Variants in CELF5 observed in about 807,000 individuals in gnomAD.
CELF5 encodes CUGBP Elav-like family member 5, also known as CUG-BP and ETR-3 like factor 5.
A neutral mutation model predicts 54.9 loss-of-function variants in CELF5; 6 were observed. That is an observed-to-expected ratio of 0.11 (90% CI 0.06 to 0.22). The LOEUF is 0.22. CELF5 is among the 10% of genes least tolerant of loss of function. The probability of loss-of-function intolerance (pLI) is 1.00; values close to 1 mark genes in which losing one functional copy is unlikely to be tolerated. For missense variants in CELF5, 401 were observed against 678.6 expected, an observed-to-expected ratio of 0.59 and a Z score of 4.54; for synonymous variants, 271 against 290.9, an observed-to-expected ratio of 0.93 and a Z score of 0.70.
intron 2 of CELF5, among the ~76,000 whole-genome samples, chr19:3,267,405 T>C (rs933462173): frequency 2.6e-5 from 4 of 152,186 alleles, no homozygotes; most frequent in Non-Finnish European, 4.4e-5. Context: ...CCAGAATAGA[T>C]CCTGGAATGG....
rs759315491 is a variant in CELF5, at chr19:3,250,962, A to G, written c.260-23A>G. On this transcript the variant is annotated intron_variant, in intron 1 of 12. Transcript: ENST00000292672. Reference sequence around the variant, plus strand: ...ATGGGTGTGCCCGTGCTCTCTTAACACCCCCGTTTCTCTCCCTTCCAGGCT... The same window carrying G: ...ATGGGTGTGCCCGTGCTCTCTTAACGCCCCCGTTTCTCTCCCTTCCAGGCT... 3 of 1,597,458 alleles carry G rather than the reference A, an allele frequency of 1.9e-6. No homozygotes were observed. In the South Asian group the frequency reaches 3.3e-5, roughly 18 times the overall value.
Position 3,281,203 on chromosome 19 carries a change from C to T in CELF5, c.608C>T (p.Ala203Val). 1.9e-6 allele frequency: 3 copies of T among 1,605,004 alleles called. No individual in the cohort carries two copies. The highest frequency in any genetic ancestry group is 2.5e-6 in the Non-Finnish European group (3 of 1,177,944). The change falls in exon 6 of 13, where the codon GCC (alanine) becomes GTC (valine). Residue 203 changes from alanine to valine, a missense_variant. By Grantham distance (64) the Ala-to-Val change is moderately conservative. Around this residue, in one of 6 missense-constraint regions of CELF5, gnomAD observed 87 missense variants for 190.2 expected, o/e 0.46. Coordinates refer to ENST00000292672, the MANE Select transcript of CELF5 (RefSeq NM_021938.4). The surrounding 1 kb of genome is among the most constrained non-coding windows in gnomAD (Gnocchi z 6.5). ...TGCTCGCCGCTGCCCCTGCAGGGAG[C>T]CTCCTCCAGCCTGGTGGTCAAGTTC... ...ALHGSQTMPG[A>V]SSSLVVKFAD...
intron 1 of CELF5, 89 bp from the exon 2 acceptor site, chr19:3,250,896 G>C: frequency 1.2e-6 from 1 of 823,298 alleles, no homozygotes; most frequent in Non-Finnish European, 2.1e-6. Flanking sequence ...AGCTTGGGTT[G>C]CTTCCACCTA....
Position 3,282,367 on chromosome 19 carries a change from C to T in CELF5, c.908C>T (p.Pro303Leu), listed in dbSNP as rs1250486926. The T allele has an allele frequency of 6.2e-6, 10 of 1,610,016 alleles. No homozygotes were observed. The highest frequency in any genetic ancestry group is 1.7e-5 in the Admixed American group (1 of 60,020). The change falls in exon 8 of 13, where the codon CCG becomes CTG. Residue 303 changes from proline (P) to leucine (L), a missense_variant. Pro to Leu is a moderately conservative substitution (Grantham distance 98). Transcript: ENST00000292672. This position sits in a 1 kb window ranked among gnomAD's most constrained non-coding sequence, Gnocchi z 5.2. ...IAPASGLHSP[P>L]LLGTTAVPGL... ...CGCTCTGCAGGGCTGCACTCACCCC[C>T]GCTGCTGGGCACCACCGCTGTGCCT... is the stretch of plus-strand genomic sequence containing the variant.
intron 1 of CELF5, among the ~76,000 whole-genome samples, chr19:3,247,557 C>T (rs926617551): frequency 1.3e-5 from 2 of 151,170 alleles, no homozygotes; most frequent in Admixed American, 6.6e-5. Context: ...CCACTGCGCC[C>T]GGTCTCTCTT....
At chr19:3,292,425 G>A (rs1276938596) in intron 11 of CELF5, among the ~76,000 whole-genome samples, 2 of 150,274 alleles carry the variant, frequency 1.3e-5, no homozygotes, top group Non-Finnish European at 1.5e-5. Flanking sequence ...CTGGGATTAC[G>A]GGTGGACACT....
At chr19:3,296,616 C>G (rs2080458313) in intron 12 of CELF5, 142 bp from the exon 13 acceptor site, 1 of 152,202 alleles carries the variant, frequency 6.6e-6, no homozygotes, top group Non-Finnish European at 1.5e-5. Flanking sequence ...CAATCTGCCT[C>G]GAGGGGGCCT....
chr19:3,293,481 G>A lies in CELF5; in HGVS notation c.*35G>A. On this transcript the variant is annotated 3_prime_UTR_variant, in exon 12 of 13. Transcript: ENST00000292672. ...CAGCCGCCCTGAGGCTGTAGGCATG[G>A]CCCAGGTGAGCCGCCAGGCGGCCCC... 1 of 1,603,590 alleles carries A rather than the reference G, an allele frequency of 6.2e-7. No homozygotes were observed. The highest frequency in any genetic ancestry group is 2.2e-5 in the East Asian group (1 of 44,682).
chr19:3,235,781 GATGGATGA>G (rs1301742520), intron 1 of CELF5, among the ~76,000 whole-genome samples: 2 of 148,030 alleles, frequency 1.4e-5, no homozygotes, highest in South Asian at 4.3e-4. Context: ...TAGATGGATG[GATGGATGA>G]ATGGATGGAT....
At chr19:3,262,414 G>A (rs1025860778) in intron 2 of CELF5, among the ~76,000 whole-genome samples, 2 of 152,044 alleles carry the variant, frequency 1.3e-5, no homozygotes, top group African/African-American at 2.4e-5. Flanking sequence ...CTACAATATC[G>A]GACAGTGCAA....
chr19:3,292,581 G>T (rs2080369800), intron 11 of CELF5, among the ~76,000 whole-genome samples: 1 of 152,204 alleles, frequency 6.6e-6, no homozygotes. Context: ...ACCACGCCTG[G>T]CCATGGGGTG....
chr19:3,277,842 C>G (rs1182130222), intron 4 of CELF5, among the ~76,000 whole-genome samples, 189 bp from the exon 5 acceptor site: 1 of 152,138 alleles, frequency 6.6e-6, no homozygotes, highest in Non-Finnish European at 1.5e-5. Flanking sequence ...CCATTCTGAC[C>G]CTTGATCTGG....
chr19:3,284,827 C>T, intron 8 of CELF5, 75 bp from the exon 9 acceptor site: 3 of 1,294,986 alleles, frequency 2.3e-6, no homozygotes, highest in Non-Finnish European at 3.4e-6. Context: ...GCTGTCCTTG[C>T]GGCTCTTAAG....
At chr19:3,251,089 G>C in intron 2 of CELF5, 22 bp downstream of exon 2, 2 of 1,593,790 alleles carry the variant, frequency 1.3e-6, no homozygotes, top group African/African-American at 1.3e-5. Context: ...GTGGTGTCTG[G>C]GGAGGAGGGG....
At position 3,278,687 on chromosome 19, in the gene CELF5, GTGTGTGTGTGTGTT is replaced by G. The variant is rs956848149; in HGVS notation, c.603+588_603+601del. On this transcript the variant is annotated intron_variant, in intron 5 of 12. Transcript: ENST00000292672. The surrounding 1 kb of genome is among the most constrained non-coding windows in gnomAD (Gnocchi z 4.5). ...TGCATTTGTGGGCAGGTTTGTGTGT[GTGTGTGTGTGTGTT>G]TGTGTGTGTGCATGACTGTGAGTGT... Among the ~76,000 whole-genome samples, 1 of 151,624 alleles carries G rather than the reference GTGTGTGTGTGTGTT, an allele frequency of 6.6e-6. No individual in the cohort carries two copies. Among genetic ancestry groups the G allele is most frequent in the African/African-American group, 2.4e-5 (1 of 41,264 alleles).
intron 2 of CELF5, 62 bp from the exon 3 acceptor site, chr19:3,273,810 A>ACCCCCCCCCCC: frequency 8.4e-7 from 1 of 1,190,150 alleles, no homozygotes; most frequent in Non-Finnish European, 1.2e-6. Context: ...CTCAGGCAAA[A>ACCCCCCCCCCC]CCCCCCGCCT....
In CELF5 at chr19:3,224,700, C is replaced by T. The variant is rs1313199308; in HGVS notation, c.-40C>T. 5.0e-6 allele frequency: 5 copies of T among 1,005,558 alleles called. No homozygotes were observed. In the East Asian group the frequency reaches 4.2e-4, roughly 84 times the overall value. 62.3% of individuals were successfully genotyped at this position (1,005,558 alleles called of 1,614,324 possible). ...CCGCTCCAGCTGCGAGTCCGCCCGC[C>T]GCCCGCCGCCGCCGCCGCCGGCTCG... On this transcript the variant is annotated 5_prime_UTR_variant, in exon 1 of 13. Transcript: ENST00000292672.
chr19:3,290,899 A>T (rs2080335428), intron 11 of CELF5, among the ~76,000 whole-genome samples: 1 of 150,486 alleles, frequency 6.6e-6, no homozygotes, highest in East Asian at 2.0e-4. Flanking sequence ...AGGTGGGCGG[A>T]TTGCTTGAGT....
chr19:3,227,862 G>C (rs1917011768), intron 1 of CELF5, among the ~76,000 whole-genome samples: 1 of 152,114 alleles, frequency 6.6e-6, no homozygotes, highest in Admixed American at 6.5e-5. Flanking sequence ...GGGGTGACAG[G>C]TTCCCCAAAG....
Sources: allele counts gnomAD v4.1 joint callset (sites outside exome capture counted in the v4.1 genomes callset), GRCh38; gene constraint gnomAD v4.1.1; regional missense constraint gnomAD v4.1.1; non-coding constraint Gnocchi (gnomAD v3.1); transcripts MANE v1.5; gene names NCBI Gene and HGNC (gene_info 2026-07-23, HGNC 2026-07-21).